Variants in TRAP1 observed in about 807,000 individuals in gnomAD.
TRAP1 encodes TNF receptor associated protein 1, also known as heat shock protein 75 kDa, mitochondrial.
TRAP1 carries 102 observed loss-of-function variants against 89.1 expected under a neutral mutation model. The observed-to-expected ratio is 1.15, with a 90% CI of 0.98 to 1.35. The LOEUF (loss-of-function observed/expected upper bound fraction) is 1.35. Ranked by LOEUF, TRAP1 falls within the 40% of genes most tolerant of loss-of-function variation. TRAP1 has a pLI of 0.00. For missense variants in TRAP1, 1,256 were observed against 945.3 expected (o/e 1.33, Z -4.31); for synonymous variants, 508 against 388.0 (o/e 1.31, Z -3.64).
intron 1 of TRAP1, among the ~76,000 whole-genome samples, chr16:3,693,575 A>C (rs1374214315): frequency 1.3e-5 from 2 of 152,312 alleles, no homozygotes; most frequent in East Asian, 3.9e-4. Flanking sequence ...AGAGCATATC[A>C]GTGTTTCTCA....
At chr16:3,675,019 G>A in intron 8 of TRAP1, 1 of 392,940 alleles carries the variant, frequency 2.5e-6, no homozygotes, top group Non-Finnish European at 4.7e-6. Context: ...AATTGATGCG[G>A]GGTGGCTGCA....
chr16:3,659,117 A>C, intron 16 of TRAP1: 1 of 434,946 alleles, frequency 2.3e-6, no homozygotes, highest in Non-Finnish European at 4.1e-6. Context: ...CTAAAGGGAC[A>C]AAAGGAGCTT....
At chr16:3,664,655 T>G in intron 12 of TRAP1, 196 bp from the exon 13 acceptor site, 1 of 593,724 alleles carries the variant, frequency 1.7e-6, no homozygotes, top group Non-Finnish European at 2.8e-6. Flanking sequence ...TTGGGAGCTC[T>G]GGGGGCTTAG....
intron 1 of TRAP1, 40 bp downstream of exon 1, chr16:3,717,374 TCCGTGGC>T: frequency 5.0e-6 from 4 of 802,066 alleles, no homozygotes; most frequent in Non-Finnish European, 6.7e-6. Context: ...CCCTGCCGTC[TCCGTGGC>T]CCGGCCCGCC....
intron 13 of TRAP1, 113 bp downstream of exon 13, chr16:3,664,161 C>T (rs2050766409): frequency 1.7e-6 from 2 of 1,182,712 alleles, no homozygotes; most frequent in Non-Finnish European, 2.3e-6. Context: ...CCCTGACCCA[C>T]TGTGCAGCCC....
Position 3,677,569 on chromosome 16 carries a change from CA to C in TRAP1, c.632del (p.Val211GlyfsTer47). On this transcript the variant is annotated frameshift_variant, in exon 6 of 18. Coordinates refer to ENST00000246957, the MANE Select transcript of TRAP1 (RefSeq NM_016292.3). LOFTEE classifies it high-confidence loss of function. ...FGVGFYSAFM[V>X]ADRVEVYSRS... ...GGGAATAGACCTCCACTCTGTCAGC[CA>C]CCATGAAAGCTGAGTAGAAACCCAC... 3 of 1,614,208 alleles carry C rather than the reference CA, an allele frequency of 1.9e-6. No homozygotes were observed. The highest frequency in any genetic ancestry group is 2.5e-6 in the Non-Finnish European group (3 of 1,180,040).
intron 4 of TRAP1, among the ~76,000 whole-genome samples, chr16:3,683,392 T>C (rs896449066): frequency 6.6e-6 from 1 of 151,562 alleles, no homozygotes; most frequent in Non-Finnish European, 1.5e-5. Context: ...ACATTTCTTT[T>C]TTTTTTTTTT....
chr16:3,674,817 G>A, intron 8 of TRAP1: 1 of 410,460 alleles, frequency 2.4e-6, no homozygotes, highest in Non-Finnish European at 4.5e-6. Flanking sequence ...TGAGAGCGAT[G>A]ACGACCCACG....
At chr16:3,681,885 A>G (rs2051077552) in intron 4 of TRAP1, among the ~76,000 whole-genome samples, 1 of 152,222 alleles carries the variant, frequency 6.6e-6, no homozygotes, top group African/African-American at 2.4e-5. Context: ...TGGAAATACA[A>G]AGAACTTAGA....
At chr16:3,695,437 G>A (rs367903189) in intron 1 of TRAP1, among the ~76,000 whole-genome samples, 11 of 151,794 alleles carry the variant, frequency 7.2e-5, no homozygotes, top group East Asian at 1.9e-4. Flanking sequence ...TCGGGAGGCC[G>A]AGGTGGAAGG....
chr16:3,659,649 T>C (rs950324530), intron 16 of TRAP1: 3 of 152,088 alleles, frequency 2.0e-5, no homozygotes, highest in African/African-American at 7.2e-5. Flanking sequence ...TTGTACAACC[T>C]CTCCAGAGGA....
At chr16:3,687,948 C>A (rs1015535993) in intron 3 of TRAP1, among the ~76,000 whole-genome samples, 3 of 151,102 alleles carry the variant, frequency 2.0e-5, no homozygotes, top group Non-Finnish European at 4.4e-5. Context: ...GAAGCGGTGG[C>A]TGATCTGGGC....
intron 17 of TRAP1, 121 bp from the exon 18 acceptor site, chr16:3,658,351 T>G: frequency 1.3e-6 from 1 of 779,334 alleles, no homozygotes; most frequent in Non-Finnish European, 2.1e-6. Context: ...CTCGGCTCAC[T>G]GCAACCTCAG....
At chr16:3,671,242 C>T (rs918334259) in intron 11 of TRAP1, among the ~76,000 whole-genome samples, 3 of 152,158 alleles carry the variant, frequency 2.0e-5, no homozygotes, top group African/African-American at 7.2e-5. Context: ...GGTGAGAGCA[C>T]AGGTCACTTG....
At chr16:3,673,944 T>A (rs1567229936) in intron 9 of TRAP1, among the ~76,000 whole-genome samples, 1 of 151,994 alleles carries the variant, frequency 6.6e-6, no homozygotes, top group Non-Finnish European at 1.5e-5. Flanking sequence ...TGATGTAGGC[T>A]CTGAGGGCCC....
chr16:3,689,025 A>G, intron 3 of TRAP1, 30 bp downstream of exon 3: 1 of 1,572,960 alleles, frequency 6.4e-7, no homozygotes, highest in Non-Finnish European at 8.6e-7. Flanking sequence ...AAACTTTGCT[A>G]GCATCGGGCA....
At chr16:3,708,331 C>CA (rs368749754) in intron 1 of TRAP1, among the ~76,000 whole-genome samples, 105 of 149,830 alleles carry the variant, frequency 7.0e-4, no homozygotes, top group Middle Eastern at 3.4e-3. Context: ...ACTAAAAATA[C>CA]AAAAAAAAAC....
At chr16:3,658,316 C>A in intron 17 of TRAP1, 86 bp from the exon 18 acceptor site, 2 of 1,132,414 alleles carry the variant, frequency 1.8e-6, no homozygotes, top group South Asian at 1.4e-5. Context: ...TCACTGTTGC[C>A]GAGGCTGGAG....
intron 1 of TRAP1, chr16:3,710,460 A>C (rs12051099): frequency 6.6e-6 from 1 of 152,214 alleles, no homozygotes; most frequent in Non-Finnish European, 1.5e-5. Flanking sequence ...GAGCCTACAT[A>C]TTAAAACAGA....
Sources: gnomAD v4.1 joint callset for allele counts (sites outside exome capture counted in the v4.1 genomes callset) on GRCh38, gnomAD v4.1.1 for gene constraint, MANE v1.5 for transcripts, NCBI Gene and HGNC (gene_info 2026-07-23, HGNC 2026-07-21) for gene names.